The following SEMA4B variants were observed in gnomAD, a reference collection of about 807,000 sequenced individuals.
The protein encoded by SEMA4B is semaphorin-4B.
SEMA4B carries 55 observed loss-of-function variants against 88.1 expected under a neutral mutation model. That is an observed-to-expected ratio of 0.62 (90% CI 0.50 to 0.78). The LOEUF (loss-of-function observed/expected upper bound fraction) is 0.78. SEMA4B is among the 30% of genes least tolerant of loss of function. SEMA4B has a pLI of 0.00. For missense variants in SEMA4B, 1,062 were observed against 1,111.9 expected (o/e 0.96, Z 0.64); for synonymous variants, 525 against 473.6 (o/e 1.11, Z -1.41).
At chr15:90,224,583 G>C (rs1194614201) in intron 9 of SEMA4B, among the ~76,000 whole-genome samples, 2 of 152,216 alleles carry the variant, frequency 1.3e-5, no homozygotes, top group African/African-American at 2.4e-5. Context: ...CAGAATTTCA[G>C]GAAGCCTCAG....
In SEMA4B at chr15:90,212,834, G is replaced by A. The variant is rs917811746; in HGVS notation, c.158-4605G>A. On this transcript the variant is annotated intron_variant, in intron 1 of 13. Transcript: ENST00000411539. The surrounding 1 kb of genome is among the most constrained non-coding windows in gnomAD (Gnocchi z 4.0). ...AAGTCTCTGTTTCTGAGCTGATGCC[G>A]TCTGGCTTTGGCCATGAGACCCTCG... Among the ~76,000 whole-genome samples the A allele has an allele frequency of 3.9e-5, 6 of 152,194 alleles. No individual in the cohort carries two copies. Among genetic ancestry groups the A allele is most frequent in the Admixed American group, 2.6e-4 (4 of 15,276 alleles).
chr15:90,203,529 G>C (rs1284790046), intron 1 of SEMA4B, among the ~76,000 whole-genome samples: 3 of 152,202 alleles, frequency 2.0e-5, no homozygotes, highest in African/African-American at 7.2e-5. Flanking sequence ...GGCAAAACTG[G>C]AGAGCAGCGA....
At chr15:90,226,261 G>C (rs956848993) in intron 12 of SEMA4B, among the ~76,000 whole-genome samples, 1 of 152,040 alleles carries the variant, frequency 6.6e-6, no homozygotes, top group Non-Finnish European at 1.5e-5. Context: ...AGAGAGAATC[G>C]CAGTGAGATT....
chr15:90,196,191 G>A (rs1428222628), intron 1 of SEMA4B, among the ~76,000 whole-genome samples: 3 of 145,386 alleles, frequency 2.1e-5, no homozygotes, highest in Non-Finnish European at 4.5e-5. Flanking sequence ...GCCTCCCAAA[G>A]TGCTGGGATT....
In SEMA4B at chr15:90,201,398, G is replaced by A; in HGVS notation, c.-181G>A. 7.8e-7 allele frequency: 1 copy of A among 1,276,406 alleles called. No individual in the cohort carries two copies. Among genetic ancestry groups the A allele is most frequent in the Non-Finnish European group, 9.9e-7 (1 of 1,013,078 alleles). 79.1% of individuals were successfully genotyped at this position (1,276,406 alleles called of 1,614,324 possible). On this transcript the variant is annotated 5_prime_UTR_variant, in exon 1 of 14. Coordinates refer to ENST00000411539, the MANE Select transcript of SEMA4B (RefSeq NM_198925.4). Reference sequence around the variant, plus strand: ...GCCGGCGGGAGGACTGCGGTGCCCCGCGGAGGGGCTGAGTTTGCCAGGGCC... The same window carrying A: ...GCCGGCGGGAGGACTGCGGTGCCCCACGGAGGGGCTGAGTTTGCCAGGGCC...
intron 1 of SEMA4B, among the ~76,000 whole-genome samples, chr15:90,202,823 C>G (rs1960810558): frequency 6.6e-6 from 1 of 152,204 alleles, no homozygotes; most frequent in South Asian, 2.1e-4. Flanking sequence ...CTTCCATCTC[C>G]TCACAGCATC....
intron 1 of SEMA4B, among the ~76,000 whole-genome samples, chr15:90,202,535 C>A (rs950954406): frequency 1.5e-4 from 23 of 152,206 alleles, no homozygotes; most frequent in Non-Finnish European, 4.4e-5. Flanking sequence ...GCTTCTCCAG[C>A]TCTTCTTGGG....
chr15:90,210,928 C>T (rs1332984841), intron 1 of SEMA4B, among the ~76,000 whole-genome samples: 1 of 152,060 alleles, frequency 6.6e-6, no homozygotes, highest in Non-Finnish European at 1.5e-5. Context: ...GAGGGAGGCA[C>T]AAAAGTTTCT....
At chr15:90,217,738 C>G (rs773399223) in intron 2 of SEMA4B, 29 bp from the exon 3 acceptor site, 2 of 1,610,830 alleles carry the variant, frequency 1.2e-6, no homozygotes, top group Non-Finnish European at 8.5e-7. Flanking sequence ...TCCATTTTGT[C>G]CACTACCTTC....
At chr15:90,191,298 G>C (rs1960336651) in intron 1 of SEMA4B, among the ~76,000 whole-genome samples, 1 of 152,230 alleles carries the variant, frequency 6.6e-6, no homozygotes, top group Non-Finnish European at 1.5e-5. Flanking sequence ...GAGAGTTGCA[G>C]CCTCAGCACC....
intron 3 of SEMA4B, among the ~76,000 whole-genome samples, chr15:90,218,981 C>G (rs367620040): frequency 6.6e-6 from 1 of 151,890 alleles, no homozygotes; most frequent in Non-Finnish European, 1.5e-5. Flanking sequence ...TGATTTCACT[C>G]TGAGGGAGGT....
In SEMA4B at chr15:90,221,863, C is replaced by T. The variant is rs1961869003; in HGVS notation, c.861+98C>T. On this transcript the variant is annotated intron_variant, in intron 7 of 13. Transcript: ENST00000411539. ...TCCATGCATGGCCTTTCCCATCCCG[C>T]CAAGGAGTACAGCTTGGCTAACAGC... 6 of 1,013,312 alleles carry T rather than the reference C, an allele frequency of 5.9e-6. No homozygotes were observed. The East Asian group carries it at 1.8e-4, about 30-fold the overall frequency. 62.8% of individuals were successfully genotyped at this position (1,013,312 alleles called of 1,614,324 possible). A position where few individuals can be genotyped will look rare whatever the true frequency, so the allele number is the denominator to read the frequency against.
upstream of SEMA4B, among the ~76,000 whole-genome samples, chr15:90,200,710 C>G (rs1266229357): frequency 6.6e-6 from 1 of 152,178 alleles, no homozygotes; most frequent in Non-Finnish European, 1.5e-5. Context: ...ACATTAAATC[C>G]TATTATCCCA....
At chr15:90,221,328 G>A (rs748701781) in intron 5 of SEMA4B, 39 bp from the exon 6 acceptor site, 1 of 1,497,598 alleles carries the variant, frequency 6.7e-7, no homozygotes, top group South Asian at 1.2e-5. Flanking sequence ...AAGGGGCCGT[G>A]CTGAGGAGCC....
chr15:90,209,394 A>T (rs973554194), intron 1 of SEMA4B, among the ~76,000 whole-genome samples: 2 of 146,942 alleles, frequency 1.4e-5, no homozygotes, highest in Non-Finnish European at 3.0e-5. Context: ...CTACTAAAAA[A>T]ATATATATAT....
At chr15:90,186,632 A>T (rs1156637107) in intron 1 of SEMA4B, among the ~76,000 whole-genome samples, 3 of 151,172 alleles carry the variant, frequency 2.0e-5, no homozygotes, top group Non-Finnish European at 4.4e-5. Context: ...AAAAGCAAAC[A>T]AAAAATAAAA....
chr15:90,214,178 T>C (rs1840636934), intron 1 of SEMA4B, among the ~76,000 whole-genome samples: 1 of 151,326 alleles, frequency 6.6e-6, no homozygotes, highest in Non-Finnish European at 1.5e-5. Flanking sequence ...ACCCTGACTT[T>C]ACTGAAAATA....
At chr15:90,217,390 T>G in intron 1 of SEMA4B, 49 bp from the exon 2 acceptor site, 1 of 1,570,934 alleles carries the variant, frequency 6.4e-7, no homozygotes. Flanking sequence ...GTTAAGAGGC[T>G]TCCCATGGGA....
chr15:90,221,388 C>A lies in SEMA4B; in HGVS notation c.617C>A (p.Thr206Lys). The A allele has an allele frequency of 6.4e-7, 1 of 1,569,554 alleles. No individual in the cohort carries two copies. The highest frequency in any genetic ancestry group is 8.6e-7 in the Non-Finnish European group (1 of 1,158,316). Residue 206 changes from threonine to lysine, a missense_variant, in exon 6 of 14, where the codon ACA becomes AAA. Physicochemically the swap from Thr to Lys is moderately conservative, Grantham distance 78. Transcript: ENST00000411539. ...GCAGATGGCGAGCTCTACACTGGAA[C>A]AGTCAGCAGCTTCCAAGGGAATGAC... ...LVVDGELYTGTVSSFQGNDPA... is the reference protein window; with the variant it reads ...LVVDGELYTGKVSSFQGNDPA...
Sources: gnomAD v4.1 joint callset for allele counts (sites outside exome capture counted in the v4.1 genomes callset) on GRCh38, gnomAD v4.1.1 for gene constraint, Gnocchi (gnomAD v3.1) non-coding constraint, MANE v1.5 for transcripts, NCBI Gene and HGNC (gene_info 2026-07-23, HGNC 2026-07-21) for gene names.